Variants in CLVS1 observed in about 807,000 individuals in gnomAD.
CLVS1 encodes the protein clavesin 1.
In CLVS1, 10 loss-of-function variants were observed where a neutral mutation model predicts 33.1. The observed-to-expected ratio is 0.30, with a 90% confidence interval of 0.19 to 0.51. The LOEUF is 0.51. Among genes scored for constraint, CLVS1 ranks in the 20% least tolerant of loss-of-function variants. CLVS1 has a pLI of 0.97. For missense variants in CLVS1, 343 were observed against 433.4 expected (o/e 0.79, Z 1.85); for synonymous variants, 163 against 166.1 (o/e 0.98, Z 0.14).
At chr8:61,289,536 A>G (rs1403018260) in intron 1 of CLVS1, among the ~76,000 whole-genome samples, 2 of 152,236 alleles carry the variant, frequency 1.3e-5, no homozygotes, top group African/African-American at 4.8e-5. Context: ...ATTTTTTGAC[A>G]AGTTATTTTC....
rs1157369523 is a variant in CLVS1 at position 61,132,911 on chromosome 8, C to T, written c.-152+1051C>T. On this transcript the variant is annotated intron_variant, in intron 2 of 2. Transcript: ENST00000522621. Reference sequence around the variant, plus strand: ...GGGATGAGGTACCATCATTGCTGCTCTGTGCCAGGTGTGGGAGGAAGCTTT... The same window carrying T: ...GGGATGAGGTACCATCATTGCTGCTTTGTGCCAGGTGTGGGAGGAAGCTTT... 2.0e-5 allele frequency among the ~76,000 whole-genome samples: 3 copies of T among 152,302 alleles called. No individual in the cohort carries two copies. The South Asian group carries it at 6.2e-4, about 32-fold the overall frequency.
At chr8:61,212,051 T>G (rs1807980640) in intron 2 of CLVS1, among the ~76,000 whole-genome samples, 1 of 152,192 alleles carries the variant, frequency 6.6e-6, no homozygotes, top group Non-Finnish European at 1.5e-5. Context: ...GTGAAACCTG[T>G]ATCAGACTTC....
At chr8:61,344,369 A>G (rs1812127509) in intron 2 of CLVS1, among the ~76,000 whole-genome samples, 1 of 152,172 alleles carries the variant, frequency 6.6e-6, no homozygotes, top group Admixed American at 6.5e-5. Flanking sequence ...ATTCAGATCC[A>G]ACATCCAGAT....
intron 3 of CLVS1, among the ~76,000 whole-genome samples, chr8:61,451,930 T>A (rs1013204656): frequency 2.0e-5 from 3 of 152,134 alleles, no homozygotes; most frequent in African/African-American, 7.2e-5. Context: ...GCCTTTCATG[T>A]GACTTGTATA....
At chr8:61,493,483 C>T (rs1804165215) in intron 5 of CLVS1, among the ~76,000 whole-genome samples, 3 of 152,186 alleles carry the variant, frequency 2.0e-5, no homozygotes, top group Admixed American at 1.3e-4. Flanking sequence ...ATCCCCAGCA[C>T]CCACGATGTG....
chr8:61,288,589 C>A (rs116957021), intron 1 of CLVS1, among the ~76,000 whole-genome samples: 365 of 152,328 alleles, frequency 2.4e-3, no homozygotes, highest in Non-Finnish European at 4.5e-3. Context: ...GAGGGAGAGA[C>A]CCCAGGCACG....
chr8:61,138,022 T>G (rs189654497), intron 2 of CLVS1, among the ~76,000 whole-genome samples: 4 of 152,156 alleles, frequency 2.6e-5, no homozygotes, highest in Non-Finnish European at 5.9e-5. Context: ...GAAGGAAAGA[T>G]GAATGAGATA....
intron 5 of CLVS1, among the ~76,000 whole-genome samples, chr8:61,484,828 A>T (rs1803811809): frequency 6.6e-6 from 1 of 152,252 alleles, no homozygotes; most frequent in African/African-American, 2.4e-5. Context: ...AACCTGACAA[A>T]AACAAGCAAT....
intron 2 of CLVS1, among the ~76,000 whole-genome samples, chr8:61,200,825 T>G (rs1234172590): frequency 6.6e-6 from 1 of 152,230 alleles, no homozygotes; most frequent in Non-Finnish European, 1.5e-5. Flanking sequence ...TGAATCTGAA[T>G]TTTTTGGTTT....
chr8:61,108,330 C>A (rs1208127391), intron 1 of CLVS1, among the ~76,000 whole-genome samples: 3 of 151,980 alleles, frequency 2.0e-5, no homozygotes, highest in Non-Finnish European at 2.9e-5. Context: ...GCTAGGTTTC[C>A]CTTGTACAAT....
chr8:61,257,832 G>A (rs965291803), intron 2 of CLVS1, among the ~76,000 whole-genome samples: 4 of 152,178 alleles, frequency 2.6e-5, no homozygotes, highest in Non-Finnish European at 5.9e-5. Context: ...GGCTCATGCT[G>A]CCCTGAATGA....
At chr8:61,137,389 A>T (rs930208873) in intron 2 of CLVS1, among the ~76,000 whole-genome samples, 2 of 152,158 alleles carry the variant, frequency 1.3e-5, no homozygotes, top group Non-Finnish European at 2.9e-5. Context: ...TAGCTGTGTG[A>T]CCTTAGATAT....
chr8:61,482,776 G>T (rs1435974357), intron 5 of CLVS1, among the ~76,000 whole-genome samples: 3 of 152,164 alleles, frequency 2.0e-5, no homozygotes, highest in Non-Finnish European at 1.5e-5. Context: ...TAGAACTCAG[G>T]ATTAAGAAAC....
intron 2 of CLVS1, among the ~76,000 whole-genome samples, chr8:61,306,041 C>T (rs189782244): frequency 8.5e-5 from 13 of 152,192 alleles, no homozygotes; most frequent in Admixed American, 5.2e-4. Flanking sequence ...TATATTCCTT[C>T]GGGTATATAT....
At chr8:61,293,376 A>T (rs575966244) in intron 1 of CLVS1, among the ~76,000 whole-genome samples, 5 of 152,288 alleles carry the variant, frequency 3.3e-5, no homozygotes, top group East Asian at 1.9e-4. Context: ...CTCATGCAGA[A>T]GTCCTACAAA....
intron 5 of CLVS1, among the ~76,000 whole-genome samples, chr8:61,464,135 G>T (rs568119769): frequency 1.3e-5 from 2 of 151,636 alleles, no homozygotes; most frequent in African/African-American, 4.8e-5. Flanking sequence ...TAACCAAAAT[G>T]TAATACAGAG....
At chr8:61,272,228 G>T (rs1359424481) in intron 2 of CLVS1, among the ~76,000 whole-genome samples, 12 of 151,960 alleles carry the variant, frequency 7.9e-5, no homozygotes, top group African/African-American at 2.7e-4. Flanking sequence ...GTCTGTAAAG[G>T]ATTTTATTTC....
At chr8:61,008,188 A>T in the CLVS1 span, among the ~76,000 whole-genome samples, 11 of 152,122 alleles carry the variant, frequency 7.2e-5, no homozygotes, top group Admixed American at 3.9e-4. Context: ...ATCATCCCTG[A>T]ACGCGCAATT....
chr8:61,151,713 C>A (rs1466494035), intron 2 of CLVS1, among the ~76,000 whole-genome samples: 1 of 152,210 alleles, frequency 6.6e-6, no homozygotes, highest in Non-Finnish European at 1.5e-5. Flanking sequence ...AGGGACCCTG[C>A]TGGTTCACCC....
Sources: allele counts gnomAD v4.1 joint callset (sites outside exome capture counted in the v4.1 genomes callset), GRCh38; gene constraint gnomAD v4.1.1; transcripts MANE v1.5; gene names NCBI Gene and HGNC (gene_info 2026-07-23, HGNC 2026-07-21).